Variants in SEMA6D observed in about 807,000 individuals in gnomAD.
The protein encoded by SEMA6D is semaphorin-6D.
SEMA6D carries 35 observed loss-of-function variants against 106.6 expected under a neutral mutation model. The ratio of observed to expected loss-of-function variants is 0.33; its 90% CI spans 0.25 to 0.44. The LOEUF (loss-of-function observed/expected upper bound fraction) is 0.44, where lower values mean the gene tolerates loss of function less well. SEMA6D is among the 20% of genes least tolerant of loss of function. SEMA6D has a pLI of 1.00. For missense variants in SEMA6D, 1,185 were observed against 1,345.9 expected (o/e 0.88, Z 1.87); for synonymous variants, 499 against 487.7 (o/e 1.02, Z -0.31).
At chr15:47,402,656 G>A (rs185080281) in intron 1 of SEMA6D, among the ~76,000 whole-genome samples, 9 of 151,412 alleles carry the variant, frequency 5.9e-5, no homozygotes, top group Admixed American at 2.0e-4. Flanking sequence ...AGCATTGTAC[G>A]TATAGATCTG....
chr15:47,766,605 C>A lies in SEMA6D; in HGVS notation c.1647-11C>A. The A allele has an allele frequency of 6.2e-7, 1 of 1,612,348 alleles. No individual in the cohort carries two copies. Among genetic ancestry groups the A allele is most frequent in the African/African-American group, 1.3e-5 (1 of 74,914 alleles). Reference sequence around the variant, plus strand: ...GTTAACCGAAGACTTCTTTGCTTTCCATAACCACAGTGCTGAAGGATATGA... The same window carrying A: ...GTTAACCGAAGACTTCTTTGCTTTCAATAACCACAGTGCTGAAGGATATGA... On this transcript the variant is annotated splice_polypyrimidine_tract_variant and intron_variant, in intron 15 of 18. Coordinates refer to ENST00000536845, the MANE Select transcript of SEMA6D (RefSeq NM_001358351.3).
At chr15:47,193,673 C>CA (rs1396006343) in intron 1 of SEMA6D, among the ~76,000 whole-genome samples, 1 of 151,990 alleles carries the variant, frequency 6.6e-6, no homozygotes. Context: ...AAAAACAAAA[C>CA]AAAAAAACTC....
rs149691096 is a variant in SEMA6D at position 47,245,505 on chromosome 15, A to G, written c.-239+61087A>G. Among the ~76,000 whole-genome samples the G allele has an allele frequency of 1.6e-4, 24 of 152,256 alleles. No individual in the cohort carries two copies. In the East Asian group the frequency reaches 4.1e-3, roughly 26 times the overall value. On this transcript the variant is annotated intron_variant, in intron 1 of 19. Transcript: ENST00000558014. ...GGTGTTGTCTGAGAAGCAAGTCAGAACTCTCAGATGGGGCCAGAATATAGC... is the reference window on the plus strand; with the variant it reads ...GGTGTTGTCTGAGAAGCAAGTCAGAGCTCTCAGATGGGGCCAGAATATAGC...
At position 47,509,395 on chromosome 15, in the gene SEMA6D, G is replaced by A. The variant is rs546580409; in HGVS notation, c.-87+38850G>A. On this transcript the variant is annotated intron_variant, in intron 3 of 19. Coordinates refer to the SEMA6D transcript ENST00000558014. ...GGTTTCCCCTTAATAAAGACAGCTT[G>A]GTCTAGTGGCTTAATTATCAAACCC... is the stretch of plus-strand genomic sequence containing the variant. 4.6e-5 allele frequency among the ~76,000 whole-genome samples: 7 copies of A among 152,200 alleles called. 1 individual carries two copies. The highest frequency in any genetic ancestry group is 1.7e-4 in the African/African-American group (7 of 41,532).
intron 3 of SEMA6D, among the ~76,000 whole-genome samples, chr15:47,543,863 A>T (rs2045437235): frequency 6.6e-6 from 1 of 152,140 alleles, no homozygotes; most frequent in Non-Finnish European, 1.5e-5. Context: ...CCTTTATTCT[A>T]AACAAGTAAG....
At chr15:47,600,166 G>A (rs1250476301) in intron 3 of SEMA6D, among the ~76,000 whole-genome samples, 1 of 152,104 alleles carries the variant, frequency 6.6e-6, no homozygotes, top group Non-Finnish European at 1.5e-5. Flanking sequence ...ACCAGGCGTG[G>A]TGTTTGGCTT....
intron 4 of SEMA6D, among the ~76,000 whole-genome samples, chr15:47,662,596 G>T (rs2077945043): frequency 6.6e-6 from 1 of 152,052 alleles, no homozygotes; most frequent in Non-Finnish European, 1.5e-5. Flanking sequence ...GCAATAACCT[G>T]CCCCATTAGG....
intron 1 of SEMA6D, among the ~76,000 whole-genome samples, chr15:47,404,366 G>A (rs1447991135): frequency 6.6e-6 from 1 of 152,132 alleles, no homozygotes; most frequent in Non-Finnish European, 1.5e-5. Context: ...ACTACTGTAG[G>A]GTAGGTATTC....
chr15:47,759,825 C>A lies in SEMA6D; in HGVS notation c.27C>A (p.Tyr9Ter). Reference sequence around the variant, plus strand: ...TGAGGGTCTTCCTGCTTTGTGCCTACATACTGCTGCTGATGGTTTCCCAGT... The same window carrying A: ...TGAGGGTCTTCCTGCTTTGTGCCTAAATACTGCTGCTGATGGTTTCCCAGT... MRVFLLCA[Y>*]ILLLMVSQLR... Residue 9 changes from tyrosine to a stop codon, truncating the protein, a stop_gained, in exon 2 of 19, where the codon TAC (tyrosine) becomes TAA (stop). Transcript: ENST00000536845. LOFTEE classifies it high-confidence loss of function. 6.2e-7 allele frequency: 1 copy of A among 1,613,830 alleles called. No homozygotes were observed. Among genetic ancestry groups the A allele is most frequent in the Non-Finnish European group, 8.5e-7 (1 of 1,179,740 alleles).
At chr15:47,403,304 A>G (rs531250217) in intron 1 of SEMA6D, among the ~76,000 whole-genome samples, 8 of 152,308 alleles carry the variant, frequency 5.3e-5, no homozygotes, top group African/African-American at 1.9e-4. Flanking sequence ...AAAGTGCAAA[A>G]GTGAGGAGAA....
At chr15:47,731,245 C>A (rs1172825544) in intron 1 of SEMA6D, among the ~76,000 whole-genome samples, 1 of 152,108 alleles carries the variant, frequency 6.6e-6, no homozygotes, top group African/African-American at 2.4e-5. Flanking sequence ...ATTCAGCTCT[C>A]AGGGGTCGAT....
chr15:47,454,598 T>TACACACAC (rs1567091195), intron 2 of SEMA6D, among the ~76,000 whole-genome samples: 2 of 66,882 alleles, frequency 3.0e-5, no homozygotes, highest in African/African-American at 2.3e-4. Flanking sequence ...CTTGCACATG[T>TACACACAC]GCACACACAC....
intron 3 of SEMA6D, among the ~76,000 whole-genome samples, chr15:47,558,520 A>G (rs1238075866): frequency 6.6e-6 from 1 of 152,018 alleles, no homozygotes; most frequent in Non-Finnish European, 1.5e-5. Flanking sequence ...AATTTGAAAA[A>G]TAGTGTGAAT....
intron 3 of SEMA6D, among the ~76,000 whole-genome samples, chr15:47,565,654 A>G (rs761468485): frequency 2.6e-5 from 4 of 152,174 alleles, no homozygotes; most frequent in Non-Finnish European, 5.9e-5. Flanking sequence ...GCCAATTTTT[A>G]CTTCTTAGGT....
At chr15:47,324,049 C>T (rs35333757) in intron 1 of SEMA6D, among the ~76,000 whole-genome samples, 5 of 150,730 alleles carry the variant, frequency 3.3e-5, no homozygotes, top group African/African-American at 1.2e-4. Flanking sequence ...ACCATGGCAC[C>T]TAAGAAGAAA....
At chr15:47,313,755 A>G (rs2036534692) in intron 1 of SEMA6D, among the ~76,000 whole-genome samples, 1 of 152,148 alleles carries the variant, frequency 6.6e-6, no homozygotes, top group Non-Finnish European at 1.5e-5. Flanking sequence ...ATAGTGAGAC[A>G]GTGCTGCTGT....
chr15:47,411,319 TCTC>T (rs2040791172), intron 1 of SEMA6D, among the ~76,000 whole-genome samples: 1 of 152,022 alleles, frequency 6.6e-6, no homozygotes, highest in South Asian at 2.1e-4. Context: ...ATGGTCTCGA[TCTC>T]CTGACCTCGT....
chr15:47,448,215 A>G (rs1448624234), intron 2 of SEMA6D, among the ~76,000 whole-genome samples: 2 of 152,078 alleles, frequency 1.3e-5, no homozygotes, highest in African/African-American at 4.8e-5. Flanking sequence ...CAACCCAAAT[A>G]TTAATGCAAT....
intron 3 of SEMA6D, among the ~76,000 whole-genome samples, chr15:47,507,692 C>T (rs1431694953): frequency 6.6e-6 from 1 of 152,214 alleles, no homozygotes; most frequent in Non-Finnish European, 1.5e-5. Context: ...ATATGTCATA[C>T]TGTAGCTTGA....
Sources: gnomAD v4.1 joint callset for allele counts (sites outside exome capture counted in the v4.1 genomes callset) on GRCh38, gnomAD v4.1.1 for gene constraint, MANE v1.5 for transcripts, NCBI Gene and HGNC (gene_info 2026-07-23, HGNC 2026-07-21) for gene names.